HSPA4L: variants seen among roughly 807,000 people sequenced by gnomAD.
HSPA4L encodes heat shock 70 kDa protein 4L.
HSPA4L carries 48 observed loss-of-function variants against 100.3 expected under a neutral mutation model. The ratio of observed to expected loss-of-function variants is 0.48; its 90% CI spans 0.38 to 0.61. HSPA4L has a LOEUF of 0.61. HSPA4L is among the 20% of genes least tolerant of loss of function. HSPA4L has a pLI of 0.00. For missense variants in HSPA4L, 886 were observed against 988.6 expected (o/e 0.90, Z 1.39); for synonymous variants, 319 against 328.2 (o/e 0.97, Z 0.30).
At chr4:127,784,042 T>C (rs533697252) in intron 1 of HSPA4L, among the ~76,000 whole-genome samples, 1 of 152,248 alleles carries the variant, frequency 6.6e-6, no homozygotes, top group Non-Finnish European at 1.5e-5. Flanking sequence ...TTATGCACAG[T>C]GAGAGGCCGA....
chr4:127,811,301 A>T (rs1733521959), intron 11 of HSPA4L, 136 bp from the exon 12 acceptor site: 1 of 651,682 alleles, frequency 1.5e-6, no homozygotes, highest in East Asian at 2.7e-5. Context: ...CCCCATAGTG[A>T]TCAATCAGGA....
chr4:127,799,755 C>T (rs752275432), intron 4 of HSPA4L, among the ~76,000 whole-genome samples: 4 of 152,112 alleles, frequency 2.6e-5, no homozygotes, highest in Non-Finnish European at 5.9e-5. Flanking sequence ...GTGCAGTAGA[C>T]CCATTGTAAG....
chr4:127,784,554 A>G (rs1219988501), intron 1 of HSPA4L, among the ~76,000 whole-genome samples: 3 of 152,242 alleles, frequency 2.0e-5, no homozygotes, highest in Non-Finnish European at 4.4e-5. Context: ...TAAACTAGAA[A>G]GTTCTTAAAA....
chr4:127,789,640 T>C (rs1732817906), intron 1 of HSPA4L, among the ~76,000 whole-genome samples: 1 of 129,434 alleles, frequency 7.7e-6, no homozygotes, highest in African/African-American at 2.7e-5. Flanking sequence ...AGAGCGAGAT[T>C]CTGTCTCAAA....
Position 127,837,530 on chromosome 4 carries a change from A to G in HSPA4L, c.*4656A>G, listed in dbSNP as rs919353733. Reference sequence around the variant, plus strand: ...TTTGCAAAAATCAGTCCACTTAGCAAACTAATCTTTGTAAAGCAGTCAGTT... The same window carrying G: ...TTTGCAAAAATCAGTCCACTTAGCAGACTAATCTTTGTAAAGCAGTCAGTT... On this transcript the variant is annotated 3_prime_UTR_variant, in exon 19 of 19. Transcript: ENST00000296464. The G allele has an allele frequency of 6.6e-6, 1 of 152,206 alleles. No homozygotes were observed. Among genetic ancestry groups the G allele is most frequent in the Non-Finnish European group, 1.5e-5 (1 of 68,042 alleles). 9.4% of individuals were successfully genotyped at this position (152,206 alleles called of 1,614,324 possible). A position where few individuals can be genotyped will look rare whatever the true frequency, so the allele number is the denominator to read the frequency against.
intron 1 of HSPA4L, among the ~76,000 whole-genome samples, chr4:127,791,435 C>T (rs1168760446): frequency 6.6e-6 from 1 of 152,204 alleles, no homozygotes; most frequent in Non-Finnish European, 1.5e-5. Context: ...TGCATTCAAA[C>T]GGTTGGACAC....
chr4:127,830,661 T>C lies in HSPA4L; in HGVS notation c.2190T>C (p.Asp730=). ...RNKDERYDHL[D]PTEMEKVEKC... is the part of the protein sequence containing the mutation. Reference sequence around the variant, plus strand: ...AGGATGAAAGATATGATCATCTGGATCCTACTGAAATGGAAAAGGTTGAAA... The same window carrying C: ...AGGATGAAAGATATGATCATCTGGACCCTACTGAAATGGAAAAGGTTGAAA... Residue 730 remains aspartate (D), a synonymous_variant, in exon 18 of 19, where the codon GAT becomes GAC. Transcript: ENST00000296464. The C allele has an allele frequency of 6.3e-7, 1 of 1,598,800 alleles. No homozygotes were observed. Among genetic ancestry groups the C allele is most frequent in the African/African-American group, 1.4e-5 (1 of 73,820 alleles).
upstream of HSPA4L, chr4:127,782,239 G>A: frequency 5.0e-6 from 2 of 399,822 alleles, no homozygotes; most frequent in Non-Finnish European, 9.4e-6. Context: ...CTCGGGCGCG[G>A]AGCGGAGGCT....
chr4:127,791,117 C>G (rs949222138), intron 1 of HSPA4L, among the ~76,000 whole-genome samples: 1 of 151,702 alleles, frequency 6.6e-6, no homozygotes, highest in African/African-American at 2.4e-5. Flanking sequence ...AAAAAAGTTC[C>G]AATAATTAAA....
chr4:127,803,133 G>A (rs1371191115), intron 6 of HSPA4L, among the ~76,000 whole-genome samples: 1 of 151,920 alleles, frequency 6.6e-6, no homozygotes, highest in African/African-American at 2.4e-5. Context: ...TTGTTTTTTT[G>A]TGTGTTTTGT....
At position 127,835,093 on chromosome 4, in the gene HSPA4L, C is replaced by CTAAT. The variant is rs1352555882; in HGVS notation, c.*2221_*2224dup. The CTAAT allele has an allele frequency of 4.6e-5, 7 of 152,088 alleles. No individual in the cohort carries two copies. The highest frequency in any genetic ancestry group is 1.7e-4 in the African/African-American group (7 of 41,412). 9.4% of individuals were successfully genotyped at this position (152,088 alleles called of 1,614,324 possible). ...TTTAATGCAGCTTTGGGTAGACAGT[C>CTAAT]TAATTCAGTCCAATTTTAATCTGCA... On this transcript the variant is annotated 3_prime_UTR_variant, in exon 19 of 19. Coordinates refer to ENST00000296464, the MANE Select transcript of HSPA4L (RefSeq NM_014278.4).
chr4:127,783,315 G>A (rs1361857721), intron 1 of HSPA4L, among the ~76,000 whole-genome samples: 1 of 152,064 alleles, frequency 6.6e-6, no homozygotes, highest in East Asian at 1.9e-4. Context: ...GCCTCGGGAT[G>A]GGAGTCACTG....
chr4:127,794,143 T>A lies in HSPA4L; in HGVS notation c.165+9T>A. ...ATGCAGCAAAGAGCCAGGTAAATTG[T>A]TAATGTGGATGTTTTGACTTACAGG... is the stretch of plus-strand genomic sequence containing the variant. On this transcript the variant is annotated intron_variant, in intron 2 of 18. Transcript: ENST00000296464. 6.2e-7 allele frequency: 1 copy of A among 1,606,384 alleles called. No homozygotes were observed. Among genetic ancestry groups the A allele is most frequent in the Non-Finnish European group, 8.5e-7 (1 of 1,174,262 alleles).
chr4:127,832,999 T>A lies in HSPA4L; in HGVS notation c.*125T>A. 1 of 685,220 alleles carries A rather than the reference T, an allele frequency of 1.5e-6. No individual in the cohort carries two copies. Among genetic ancestry groups the A allele is most frequent in the Non-Finnish European group, 2.3e-6 (1 of 436,054 alleles). The allele number at this position is 685,220 out of a possible 1,614,324, so 42.4% of individuals were successfully genotyped here. On this transcript the variant is annotated 3_prime_UTR_variant, in exon 19 of 19. Transcript: ENST00000296464. ...CACTTTTGTCATTTGTTTTTTGGAG[T>A]AGTTTTGAAAAGTGTTTTATATTGA... is the stretch of plus-strand genomic sequence containing the variant.
At position 127,830,693 on chromosome 4, in the gene HSPA4L, T is replaced by C. The variant is rs1443948178; in HGVS notation, c.2222T>C (p.Ile741Thr). The part of the protein sequence containing the change: ...PTEMEKVEKC[I>T]SDAMSWLNSK... ...GAAATGGAAAAGGTTGAAAAATGTA[T>C]CAGTGATGCCATGAGTTGGCTGAAT... The change falls in exon 18 of 19, where the codon ATC becomes ACC. Residue 741 changes from isoleucine (I) to threonine (T), a missense_variant. Transcript: ENST00000296464. The C allele has an allele frequency of 6.2e-7, 1 of 1,609,926 alleles. No individual in the cohort carries two copies. Among genetic ancestry groups the C allele is most frequent in the Admixed American group, 1.7e-5 (1 of 59,544 alleles).
At chr4:127,808,581 G>C (rs1457172213) in intron 11 of HSPA4L, among the ~76,000 whole-genome samples, 1 of 152,016 alleles carries the variant, frequency 6.6e-6, no homozygotes, top group African/African-American at 2.4e-5. Flanking sequence ...GACTACCAGA[G>C]GATTGCTTGA....
At chr4:127,813,380 A>T (rs1733592919) in intron 12 of HSPA4L, 1 of 532,608 alleles carries the variant, frequency 1.9e-6, no homozygotes, top group East Asian at 3.0e-5. Flanking sequence ...TCATTTAAGG[A>T]CTGTGGCTTT....
intron 11 of HSPA4L, among the ~76,000 whole-genome samples, chr4:127,808,984 A>AAACTT (rs3836725): frequency 0.66 from 99,316 of 151,284 alleles, 32,869 homozygotes; most frequent in Middle Eastern, 0.82. Flanking sequence ...TTTTACTGAA[A>AAACTT]AACTTTAATT....
intron 17 of HSPA4L, among the ~76,000 whole-genome samples, chr4:127,829,010 AG>A (rs559372235): frequency 1.0e-3 from 159 of 152,300 alleles, no homozygotes; most frequent in Middle Eastern, 3.4e-3. Context: ...CAATAGTGAA[AG>A]GTGGACAATA....
Sources: allele counts gnomAD v4.1 joint callset (sites outside exome capture counted in the v4.1 genomes callset), GRCh38; gene constraint gnomAD v4.1.1; transcripts MANE v1.5; gene names NCBI Gene and HGNC (gene_info 2026-07-23, HGNC 2026-07-21).